XKR9: variants seen among roughly 807,000 people sequenced by gnomAD.
XKR9 encodes the protein XK-related protein 9.
XKR9 carries 32 observed loss-of-function variants against 32.0 expected under a neutral mutation model. That is an observed-to-expected ratio of 1.00 (90% CI 0.76 to 1.34). The LOEUF (loss-of-function observed/expected upper bound fraction) is 1.34, where lower values mean the gene tolerates loss of function less well. Among genes scored for constraint, XKR9 ranks in the 40% most tolerant of loss-of-function variants. The pLI, the probability that XKR9 is intolerant of heterozygous loss-of-function variation, is 0.00. For synonymous variants in XKR9, 168 were observed against 143.4 expected (o/e 1.17, Z -1.22); for missense variants, 546 against 429.7 (o/e 1.27, Z -2.39).
At chr8:70,767,244 T>A (rs1431191447) in intron 2 of XKR9, among the ~76,000 whole-genome samples, 1 of 152,170 alleles carries the variant, frequency 6.6e-6, no homozygotes, top group Non-Finnish European at 1.5e-5. Flanking sequence ...TTTTTTTGGT[T>A]GGTAGGCTAT....
the XKR9 span, among the ~76,000 whole-genome samples, chr8:70,800,658 G>A: frequency 6.6e-6 from 1 of 151,996 alleles, no homozygotes; most frequent in Non-Finnish European, 1.5e-5. Flanking sequence ...GCTAATTTTT[G>A]TATTTTTAGT....
chr8:70,949,258 C>A, the XKR9 span, among the ~76,000 whole-genome samples: 2 of 152,014 alleles, frequency 1.3e-5, no homozygotes, highest in African/African-American at 4.8e-5. Context: ...TGCACCGTTG[C>A]TAAATAAGCT....
chr8:70,705,870 C>T lies in XKR9; in HGVS notation c.273-1063C>T, dbSNP rs537039751. ...GAAAGAATCCAGGCCAGAGAGTTGG[C>T]TGCTTAAACAAGGGTGGTAGTAGTG... On this transcript the variant is annotated intron_variant, in intron 3 of 4. Transcript: ENST00000408926. Among the ~76,000 whole-genome samples, 4 of 152,176 alleles carry T rather than the reference C, an allele frequency of 2.6e-5. No homozygotes were observed. The East Asian group carries it at 7.7e-4, about 29-fold the overall frequency.
the XKR9 span, among the ~76,000 whole-genome samples, chr8:70,889,701 T>G: frequency 6.6e-6 from 1 of 152,068 alleles, no homozygotes; most frequent in South Asian, 2.1e-4. Flanking sequence ...ATGCATTTGC[T>G]TAGGATAGTG....
At chr8:71,046,632 C>T in the XKR9 span, among the ~76,000 whole-genome samples, 1 of 152,290 alleles carries the variant, frequency 6.6e-6, no homozygotes, top group East Asian at 1.9e-4. Flanking sequence ...GGCCCACATT[C>T]ACATTTTTGT....
At chr8:70,896,175 A>C in the XKR9 span, among the ~76,000 whole-genome samples, 1 of 152,168 alleles carries the variant, frequency 6.6e-6, no homozygotes. Flanking sequence ...TTTTTAAAAT[A>C]TAATGTCTTT....
At chr8:70,998,695 T>C in the XKR9 span, among the ~76,000 whole-genome samples, 460 of 152,326 alleles carry the variant, frequency 3.0e-3, no homozygotes, top group Non-Finnish European at 4.3e-3. Flanking sequence ...CATGCAGTGA[T>C]TGTGCTTCCT....
At chr8:71,047,339 ACT>A in the XKR9 span, among the ~76,000 whole-genome samples, 1 of 152,052 alleles carries the variant, frequency 6.6e-6, no homozygotes, top group Admixed American at 6.5e-5. Flanking sequence ...CCTTATTTGC[ACT>A]CTCTGCTATG....
At chr8:70,856,863 C>G in the XKR9 span, among the ~76,000 whole-genome samples, 1 of 152,140 alleles carries the variant, frequency 6.6e-6, no homozygotes, top group Non-Finnish European at 1.5e-5. Flanking sequence ...CAACATGCTC[C>G]AGAATGACTA....
the XKR9 span, among the ~76,000 whole-genome samples, chr8:71,029,477 G>A: frequency 1.3e-5 from 2 of 151,956 alleles, no homozygotes; most frequent in African/African-American, 4.8e-5. Flanking sequence ...GAACCTAGAT[G>A]GTATTTCAGA....
At chr8:70,829,056 C>T in the XKR9 span, among the ~76,000 whole-genome samples, 28 of 152,156 alleles carry the variant, frequency 1.8e-4, no homozygotes, top group African/African-American at 6.5e-4. Context: ...AAATAAGTGG[C>T]CCATATGACA....
At chr8:70,967,547 C>T in the XKR9 span, among the ~76,000 whole-genome samples, 1 of 152,106 alleles carries the variant, frequency 6.6e-6, no homozygotes, top group South Asian at 2.1e-4. Flanking sequence ...CTGTGCACTT[C>T]AGTGTGCTTT....
At chr8:70,849,241 A>G in the XKR9 span, among the ~76,000 whole-genome samples, 1 of 151,966 alleles carries the variant, frequency 6.6e-6, no homozygotes, top group Non-Finnish European at 1.5e-5. Flanking sequence ...ACAAAACAAA[A>G]AACCAGAAAT....
the XKR9 span, among the ~76,000 whole-genome samples, chr8:71,023,795 A>G: frequency 3.9e-5 from 6 of 152,254 alleles, no homozygotes; most frequent in South Asian, 1.2e-3. Context: ...TGATGCATGC[A>G]GGAAGGCACC....
chr8:70,723,887 C>T (rs1433510383), intron 4 of XKR9, among the ~76,000 whole-genome samples: 1 of 139,780 alleles, frequency 7.2e-6, no homozygotes, highest in Non-Finnish European at 1.5e-5. Context: ...TAGGTGGGAA[C>T]TTTTTTTTTT....
the XKR9 span, among the ~76,000 whole-genome samples, chr8:71,036,052 C>T: frequency 3.3e-5 from 5 of 152,150 alleles, no homozygotes; most frequent in African/African-American, 1.2e-4. Context: ...ATTCATCAAA[C>T]CAAAGCATAA....
At chr8:70,960,327 T>A in the XKR9 span, among the ~76,000 whole-genome samples, 3,324 of 152,222 alleles carry the variant, frequency 0.022, 134 homozygotes, top group African/African-American at 0.076. Context: ...TATTTTCCCT[T>A]CTACAAATAG....
Position 70,734,507 on chromosome 8 carries a change from T to C in XKR9, c.*83T>C. The stretch of plus-strand genomic sequence containing the variant: ...ATGTGTGTTATGTGGGTGTGTTGTC[T>C]CTTATTTTTGCCACCTTTAATTTGA... On this transcript the variant is annotated 3_prime_UTR_variant, in exon 5 of 5. Coordinates refer to ENST00000408926, the MANE Select transcript of XKR9 (RefSeq NM_001011720.2). The C allele has an allele frequency of 7.2e-7, 1 of 1,381,728 alleles. No individual in the cohort carries two copies. The highest frequency in any genetic ancestry group is 9.3e-7 in the Non-Finnish European group (1 of 1,073,810). 85.6% of individuals were successfully genotyped at this position (1,381,728 alleles called of 1,614,324 possible). A position where few individuals can be genotyped will look rare whatever the true frequency, so the allele number is the denominator to read the frequency against.
chr8:71,047,449 C>T, the XKR9 span, among the ~76,000 whole-genome samples: 1 of 152,318 alleles, frequency 6.6e-6, no homozygotes, highest in African/African-American at 2.4e-5. Flanking sequence ...CCTGCTAAGG[C>T]ACATATCGTA....
Sources: allele counts gnomAD v4.1 joint callset (sites outside exome capture counted in the v4.1 genomes callset), GRCh38; gene constraint gnomAD v4.1.1; transcripts MANE v1.5; gene names NCBI Gene and HGNC (gene_info 2026-07-23, HGNC 2026-07-21).